Variants in GRID2 observed in about 807,000 individuals in gnomAD.
The protein encoded by GRID2 is glutamate ionotropic receptor delta type subunit 2.
In GRID2, 33 loss-of-function variants were observed where a neutral mutation model predicts 114.8. The observed-to-expected ratio is 0.29, with a 90% CI of 0.22 to 0.38. The LOEUF (loss-of-function observed/expected upper bound fraction) is 0.38, where lower values mean the gene tolerates loss of function less well. Among genes scored for constraint, GRID2 ranks in the 10% least tolerant of loss-of-function variants. GRID2 has a pLI of 1.00. For synonymous variants in GRID2, 505 were observed against 449.9 expected, an observed-to-expected ratio of 1.12 and a Z score of -1.55; for missense variants, 1,184 against 1,257.7, an observed-to-expected ratio of 0.94 and a Z score of 0.89.
intron 8 of GRID2, among the ~76,000 whole-genome samples, chr4:93,344,123 C>T (rs1397473016): frequency 6.6e-6 from 1 of 151,880 alleles, no homozygotes; most frequent in Non-Finnish European, 1.5e-5. Context: ...ATAATTGTTC[C>T]AAGTAAATTC....
At chr4:93,551,013 G>C (rs1292802710) in intron 13 of GRID2, among the ~76,000 whole-genome samples, 1 of 152,074 alleles carries the variant, frequency 6.6e-6, no homozygotes, top group African/African-American at 2.4e-5. Flanking sequence ...CTGTGACCTG[G>C]GGGAAAATAA....
chr4:92,683,664 AT>A (rs1733760285), intron 2 of GRID2, among the ~76,000 whole-genome samples: 1 of 151,678 alleles, frequency 6.6e-6, no homozygotes, highest in Admixed American at 6.6e-5. Context: ...TATTTAAATT[AT>A]TTTATATTAA....
chr4:92,496,950 T>G (rs965564208), intron 1 of GRID2, among the ~76,000 whole-genome samples: 1 of 151,684 alleles, frequency 6.6e-6, no homozygotes, highest in African/African-American at 2.4e-5. Context: ...TGTTTCTAGT[T>G]CCCTAAAATT....
chr4:92,588,480 T>A (rs1728555271), intron 1 of GRID2, among the ~76,000 whole-genome samples: 1 of 151,102 alleles, frequency 6.6e-6, no homozygotes. Flanking sequence ...ATCGAAACCA[T>A]CCTGGCTAAC....
intron 2 of GRID2, among the ~76,000 whole-genome samples, chr4:92,740,722 AGATAGAT>A (rs1736845522): frequency 7.1e-6 from 1 of 140,148 alleles, no homozygotes; most frequent in Admixed American, 7.2e-5. Context: ...ATAGATAGAT[AGATAGAT>A]AGATAGATAG....
intron 9 of GRID2, among the ~76,000 whole-genome samples, chr4:93,422,104 T>C (rs1768347749): frequency 6.6e-6 from 1 of 152,124 alleles, no homozygotes; most frequent in Admixed American, 6.5e-5. Flanking sequence ...TTGTTAGCTT[T>C]AAAAAGACAA....
At chr4:92,923,890 G>C (rs577918949) in intron 2 of GRID2, among the ~76,000 whole-genome samples, 70 of 152,200 alleles carry the variant, frequency 4.6e-4, no homozygotes, top group Admixed American at 3.7e-3. Context: ...CCAGCAATCT[G>C]ATTACTGGGT....
intron 13 of GRID2, among the ~76,000 whole-genome samples, chr4:93,567,319 C>G (rs1278370314): frequency 6.6e-6 from 1 of 152,070 alleles, no homozygotes; most frequent in African/African-American, 2.4e-5. Flanking sequence ...TGTTAACTAC[C>G]TTTTAAACAA....
intron 1 of GRID2, among the ~76,000 whole-genome samples, chr4:92,314,795 C>A (rs906735485): frequency 3.3e-5 from 5 of 152,182 alleles, no homozygotes; most frequent in African/African-American, 1.2e-4. Context: ...TGAAAAAATT[C>A]TGAAAACCAA....
At chr4:93,055,545 C>A (rs1727147043) in intron 2 of GRID2, among the ~76,000 whole-genome samples, 1 of 151,774 alleles carries the variant, frequency 6.6e-6, no homozygotes, top group South Asian at 2.1e-4. Context: ...ACAACAAAAA[C>A]ATATAAAAAA....
intron 4 of GRID2, among the ~76,000 whole-genome samples, chr4:93,111,659 A>T (rs771506660): frequency 9.9e-5 from 15 of 152,114 alleles, no homozygotes; most frequent in Non-Finnish European, 2.9e-5. Flanking sequence ...TTAATGTTAC[A>T]TAGTGATAGA....
chr4:93,350,019 G>A (rs745939329), intron 8 of GRID2, among the ~76,000 whole-genome samples: 9 of 152,052 alleles, frequency 5.9e-5, no homozygotes, highest in Non-Finnish European at 1.2e-4. Context: ...TCAGTGGCAT[G>A]TGATACGCAC....
At chr4:93,310,341 A>G (rs188054616) in intron 8 of GRID2, among the ~76,000 whole-genome samples, 41 of 152,040 alleles carry the variant, frequency 2.7e-4, no homozygotes, top group Admixed American at 2.3e-3. Context: ...CCAACATGGT[A>G]AAACTCTGTC....
At chr4:92,982,022 T>TAAAAAAAAAAAAAAAAAA (rs1161216679) in intron 2 of GRID2, among the ~76,000 whole-genome samples, 47 of 80,158 alleles carry the variant, frequency 5.9e-4, no homozygotes, top group Admixed American at 7.0e-4. Flanking sequence ...AAAGTACTGG[T>TAAAAAAAAAAAAAAAAAA]AAAAAAAAAA....
intron 2 of GRID2, among the ~76,000 whole-genome samples, chr4:93,068,005 G>A (rs1365733991): frequency 6.6e-6 from 1 of 151,950 alleles, no homozygotes; most frequent in East Asian, 1.9e-4. Context: ...CTTCTAAAGA[G>A]TGAGAAGACC....
chr4:93,238,381 G>T lies in GRID2; in HGVS notation c.1136G>T (p.Ser379Ile). Residue 379 changes from serine to isoleucine, a missense_variant, in exon 8 of 16, where the codon AGT (serine) becomes ATT (isoleucine). Transcript: ENST00000282020. ...TGTTCTCTCCTTTAGGGTGGAGTTA[G>T]TGGGTTGACTGGAGAGCTAGAATTT... ...MLETIKKGGV[S>I]GLTGELEFGE... 6.2e-7 allele frequency: 1 copy of T among 1,604,860 alleles called. No homozygotes were observed. The highest frequency in any genetic ancestry group is 1.7e-5 in the Admixed American group (1 of 59,742).
intron 4 of GRID2, among the ~76,000 whole-genome samples, chr4:93,135,107 TC>T (rs1393100205): frequency 1.3e-5 from 2 of 152,202 alleles, no homozygotes; most frequent in African/African-American, 4.8e-5. Flanking sequence ...TAAACAATTA[TC>T]TTTTTGTATT....
chr4:92,738,122 T>A (rs1736692987), intron 2 of GRID2, among the ~76,000 whole-genome samples: 1 of 152,156 alleles, frequency 6.6e-6, no homozygotes, highest in Admixed American at 6.6e-5. Flanking sequence ...CCCTTCTAAC[T>A]GGTGTGAGAT....
intron 2 of GRID2, among the ~76,000 whole-genome samples, chr4:92,942,234 T>G (rs1029003193): frequency 6.6e-6 from 1 of 151,908 alleles, no homozygotes; most frequent in Non-Finnish European, 1.5e-5. Context: ...AAGGACTTGC[T>G]TTATGAATCT....
Sources: gnomAD v4.1 joint callset for allele counts (sites outside exome capture counted in the v4.1 genomes callset) on GRCh38, gnomAD v4.1.1 for gene constraint, MANE v1.5 for transcripts, NCBI Gene and HGNC (gene_info 2026-07-23, HGNC 2026-07-21) for gene names.